Variants in GAS2 observed in about 807,000 individuals in gnomAD.
GAS2 encodes the protein growth arrest-specific protein 2.
A neutral mutation model predicts 37.5 loss-of-function variants in GAS2; 20 were observed. The observed-to-expected ratio is 0.53, with a 90% CI of 0.37 to 0.77. GAS2 has a LOEUF of 0.77. Ranked by LOEUF, GAS2 falls within the 30% of genes least tolerant of loss-of-function variation. The pLI, the probability that GAS2 is intolerant of heterozygous loss-of-function variation, is 0.00. For synonymous variants in GAS2, 144 were observed against 132.2 expected, an observed-to-expected ratio of 1.09 and a Z score of -0.61; for missense variants, 336 against 373.4, an observed-to-expected ratio of 0.90 and a Z score of 0.82.
intron 5 of GAS2, among the ~76,000 whole-genome samples, chr11:22,744,973 A>G (rs116155625): frequency 0.014 from 2,104 of 152,188 alleles, 57 homozygotes; most frequent in African/African-American, 0.048. Flanking sequence ...AAGAAATAAT[A>G]GATGACACAA....
intron 3 of GAS2, among the ~76,000 whole-genome samples, chr11:22,690,431 C>T (rs337475): frequency 0.38 from 57,516 of 151,834 alleles, 11,303 homozygotes; most frequent in African/African-American, 0.49. Flanking sequence ...AAGTAGTTAA[C>T]CTTAGCCTTT....
chr11:22,758,931 A>G (rs1051396432), intron 7 of GAS2, among the ~76,000 whole-genome samples: 1 of 151,260 alleles, frequency 6.6e-6, no homozygotes, highest in African/African-American at 2.4e-5. Flanking sequence ...AAAAAAAGAG[A>G]AAGTCATAGA....
chr11:22,700,372 T>G (rs951057813), intron 3 of GAS2, among the ~76,000 whole-genome samples: 3 of 152,142 alleles, frequency 2.0e-5, no homozygotes, highest in African/African-American at 7.2e-5. Flanking sequence ...AATTCCCCCC[T>G]CTGCCTGTTT....
chr11:22,785,500 A>G (rs1388194497), intron 7 of GAS2, among the ~76,000 whole-genome samples: 1 of 152,190 alleles, frequency 6.6e-6, no homozygotes, highest in African/African-American at 2.4e-5. Flanking sequence ...AATATTACAT[A>G]CAGAACAGAA....
chr11:22,708,633 C>T (rs1851247214), intron 3 of GAS2, among the ~76,000 whole-genome samples: 1 of 152,054 alleles, frequency 6.6e-6, no homozygotes, highest in Admixed American at 6.6e-5. Flanking sequence ...GAATATATGC[C>T]TCGGCTACAA....
chr11:22,650,019 A>G lies in GAS2; in HGVS notation c.-21+24206A>G, dbSNP rs535064991. On this transcript the variant is annotated intron_variant, in intron 1 of 5. Transcript: ENST00000528582. ...TTTTAATTGTGATGTTAGGGTGTCA[A>G]TTTTGGATCTTTCCTGCTTTCTCTT... Among the ~76,000 whole-genome samples the G allele has an allele frequency of 1.4e-4, 21 of 151,408 alleles. 1 individual carries two copies. In the East Asian group the frequency reaches 4.1e-3, roughly 29 times the overall value.
At chr11:22,761,234 C>T (rs1231358093) in intron 7 of GAS2, among the ~76,000 whole-genome samples, 1 of 152,008 alleles carries the variant, frequency 6.6e-6, no homozygotes, top group Admixed American at 6.6e-5. Context: ...CAATTTTAAC[C>T]ATTTGGTGTT....
intron 3 of GAS2, chr11:22,688,305 C>G (rs999953962): frequency 1.3e-5 from 2 of 151,864 alleles, no homozygotes; most frequent in South Asian, 2.1e-4. Flanking sequence ...GATAAGAGAC[C>G]CTTGTAAGTA....
rs139211854 is a variant in GAS2 at position 22,779,308 on chromosome 11, C to CCA, written c.723+23359_723+23360dup. Among the ~76,000 whole-genome samples the CCA allele has an allele frequency of 7.5e-3, 1,142 of 152,258 alleles. 18 individuals are homozygous for CCA. The highest frequency in any genetic ancestry group is 0.026 in the African/African-American group (1,081 of 41,538). On this transcript the variant is annotated intron_variant, in intron 7 of 7. Coordinates refer to ENST00000454584, the MANE Select transcript of GAS2 (RefSeq NM_001143830.3). ...GAAAATGTGGGGATGGTGCCCACCTCCACACCTATGTCTGAGTTCTTGTTT... is the reference window on the plus strand; with the variant it reads ...GAAAATGTGGGGATGGTGCCCACCTCCACACACCTATGTCTGAGTTCTTGTTT...
intron 7 of GAS2, among the ~76,000 whole-genome samples, chr11:22,789,374 A>T (rs534717504): frequency 1.2e-5 from 1 of 86,204 alleles, no homozygotes; most frequent in East Asian, 3.4e-4. Context: ...ATATACACAT[A>T]TATATGTACA....
chr11:22,630,004 A>C (rs185710153), intron 1 of GAS2, among the ~76,000 whole-genome samples: 1 of 152,156 alleles, frequency 6.6e-6, no homozygotes, highest in East Asian at 1.9e-4. Context: ...AGAGATAGGG[A>C]TCCAGTTTCA....
chr11:22,775,508 C>G (rs191831407), intron 7 of GAS2, among the ~76,000 whole-genome samples: 1 of 152,042 alleles, frequency 6.6e-6, no homozygotes. Flanking sequence ...AGGAATTGGT[C>G]GGGTTTCAAA....
At chr11:22,723,154 G>T (rs1365513736) in intron 3 of GAS2, among the ~76,000 whole-genome samples, 2 of 151,862 alleles carry the variant, frequency 1.3e-5, no homozygotes, top group East Asian at 3.9e-4. Flanking sequence ...TCTTCAGCTG[G>T]CATGGGAACA....
At chr11:22,634,181 A>G (rs546461140) in intron 1 of GAS2, among the ~76,000 whole-genome samples, 2 of 152,162 alleles carry the variant, frequency 1.3e-5, no homozygotes, top group Non-Finnish European at 2.9e-5. Context: ...CAAAGAGAGA[A>G]TGAGAGCCAA....
intron 3 of GAS2, among the ~76,000 whole-genome samples, chr11:22,701,160 A>G (rs1186119027): frequency 6.6e-6 from 1 of 152,196 alleles, no homozygotes; most frequent in Non-Finnish European, 1.5e-5. Context: ...ACTGCTATCG[A>G]CTTTCTGAAA....
chr11:22,767,945 C>T (rs1462916559), intron 7 of GAS2, among the ~76,000 whole-genome samples: 1 of 151,996 alleles, frequency 6.6e-6, no homozygotes, highest in Non-Finnish European at 1.5e-5. Context: ...TTGAATTTCA[C>T]CACCTCAGTA....
At chr11:22,770,787 T>G (rs184611886) in intron 7 of GAS2, among the ~76,000 whole-genome samples, 1 of 152,224 alleles carries the variant, frequency 6.6e-6, no homozygotes, top group Non-Finnish European at 1.5e-5. Context: ...ATGGAAATAG[T>G]TATTCTCATT....
intron 3 of GAS2, among the ~76,000 whole-genome samples, chr11:22,696,251 G>A (rs1197102315): frequency 6.6e-6 from 1 of 151,524 alleles, no homozygotes; most frequent in African/African-American, 2.4e-5. Flanking sequence ...TTTCATCCAT[G>A]TCGCTACAAA....
intron 1 of GAS2, among the ~76,000 whole-genome samples, chr11:22,650,326 C>G (rs1163159132): frequency 6.6e-6 from 1 of 150,450 alleles, no homozygotes; most frequent in Non-Finnish European, 1.5e-5. Flanking sequence ...GTGAGGAGAG[C>G]TTTACTTCCA....
Sources: allele counts gnomAD v4.1 joint callset (sites outside exome capture counted in the v4.1 genomes callset), GRCh38; gene constraint gnomAD v4.1.1; transcripts MANE v1.5; gene names NCBI Gene and HGNC (gene_info 2026-07-23, HGNC 2026-07-21).